Variants in CYFIP1 observed in about 807,000 individuals in gnomAD.
CYFIP1 encodes the protein cytoplasmic FMR1-interacting protein 1.
CYFIP1 carries 58 observed loss-of-function variants against 163.5 expected under a neutral mutation model. The observed-to-expected ratio is 0.35, with a 90% CI of 0.29 to 0.44. The LOEUF is 0.44. Ranked by LOEUF, CYFIP1 falls within the 20% of genes least tolerant of loss-of-function variation. The pLI is 1.00. For synonymous variants in CYFIP1, 663 were observed against 660.7 expected, an observed-to-expected ratio of 1.00 and a Z score of -0.05; for missense variants, 1,338 against 1,653.8, an observed-to-expected ratio of 0.81 and a Z score of 3.31.
intron 5 of CYFIP1, 142 bp from the exon 6 acceptor site, chr15:22,943,496 G>A: frequency 1.2e-6 from 1 of 865,940 alleles, no homozygotes; most frequent in Non-Finnish European, 1.7e-6. Context: ...TGTTTACAAT[G>A]TGGGCAACCA....
intron 9 of CYFIP1, among the ~76,000 whole-genome samples, chr15:22,934,285 C>T (rs1349027206): frequency 1.5e-5 from 2 of 135,088 alleles, no homozygotes; most frequent in African/African-American, 5.6e-5. Context: ...CTCCCAGGTT[C>T]ACATCATTCT....
At chr15:22,972,269 C>T (rs2063126929) in intron 1 of CYFIP1, among the ~76,000 whole-genome samples, 4 of 152,110 alleles carry the variant, frequency 2.6e-5, no homozygotes, top group Admixed American at 2.0e-4. Context: ...AACACCGTCT[C>T]TGCTAAAAAC....
At chr15:22,948,817 A>AAG (rs1255268752) in intron 1 of CYFIP1, among the ~76,000 whole-genome samples, 3 of 151,806 alleles carry the variant, frequency 2.0e-5, no homozygotes, top group African/African-American at 7.3e-5. Context: ...GTAAAAAAAA[A>AAG]AAAAAACCTC....
chr15:22,938,222 A>T (rs935757759), intron 8 of CYFIP1, among the ~76,000 whole-genome samples: 5 of 152,222 alleles, frequency 3.3e-5, no homozygotes, highest in African/African-American at 1.2e-4. Context: ...AATATGGTGA[A>T]CCAACAAAAG....
Position 22,916,581 on chromosome 15 carries a change from C to T in CYFIP1, c.1724G>A (p.Gly575Asp), listed in dbSNP as rs1484064870. The T allele has an allele frequency of 6.2e-7, 1 of 1,613,982 alleles. No homozygotes were observed. The highest frequency in any genetic ancestry group is 8.5e-7 in the Non-Finnish European group (1 of 1,180,030). The change falls in exon 16 of 31, where the codon GGT becomes GAT. Residue 575 changes from glycine (G) to aspartate (D), a missense_variant. This residue lies in a region of CYFIP1 where 824 missense variants were observed against 995.7 expected (regional missense o/e 0.83). Transcript: ENST00000617928. ...GCTACTTCTCAAGGTTTTCTTGGAA[C>T]CACTTTTGTCTGCAATGAGGGACTC... ...MLESLIADKS[G>D]SKKTLRSSLE...
chr15:22,962,389 C>A (rs1174846961), intron 1 of CYFIP1, among the ~76,000 whole-genome samples: 1 of 144,876 alleles, frequency 6.9e-6, no homozygotes, highest in East Asian at 2.0e-4. Context: ...CATCTATATT[C>A]TTCTTTTTTT....
intron 16 of CYFIP1, among the ~76,000 whole-genome samples, chr15:22,916,222 A>C (rs1327275332): frequency 6.6e-6 from 1 of 152,128 alleles, no homozygotes; most frequent in African/African-American, 2.4e-5. Context: ...CCAACCCCGC[A>C]TGGGTTGAAA....
chr15:22,978,352 C>CAAAAAAAAAAAAAAA (rs397976366), intron 1 of CYFIP1, among the ~76,000 whole-genome samples: 5 of 52,764 alleles, frequency 9.5e-5, no homozygotes, highest in African/African-American at 2.6e-4. Flanking sequence ...GACTCTGTCA[C>CAAAAAAAAAAAAAAA]AAAAAAAAAA....
At chr15:22,935,609 G>A (rs1180806662) in intron 9 of CYFIP1, among the ~76,000 whole-genome samples, 1 of 152,050 alleles carries the variant, frequency 6.6e-6, no homozygotes, top group African/African-American at 2.4e-5. Flanking sequence ...TCGAGAACGC[G>A]AAAAGGCTAC....
intron 29 of CYFIP1, 149 bp from the exon 30 acceptor site, chr15:22,873,121 G>C (rs1295243640): frequency 4.7e-6 from 4 of 849,086 alleles, no homozygotes; most frequent in Non-Finnish European, 3.3e-6. Flanking sequence ...GAGAATGCCG[G>C]GCAGCCAGGT....
intron 1 of CYFIP1, among the ~76,000 whole-genome samples, chr15:22,959,113 A>G (rs944722234): frequency 6.6e-6 from 1 of 152,138 alleles, no homozygotes; most frequent in African/African-American, 2.4e-5. Context: ...AGCTCGGGGA[A>G]GCTCCATCAG....
intron 23 of CYFIP1, among the ~76,000 whole-genome samples, chr15:22,887,070 A>G (rs2059944876): frequency 6.6e-6 from 1 of 152,126 alleles, no homozygotes; most frequent in Non-Finnish European, 1.5e-5. Flanking sequence ...ATTTTATCTT[A>G]TATTAATACA....
intron 1 of CYFIP1, among the ~76,000 whole-genome samples, chr15:22,978,582 G>A (rs977120863): frequency 1.2e-4 from 18 of 151,996 alleles, no homozygotes; most frequent in African/African-American, 3.9e-4. Context: ...ATACTACTTA[G>A]AAGTACCGAG....
At chr15:22,947,437 GGAGTT>G in intron 1 of CYFIP1, 146 bp from the exon 2 acceptor site, 3 of 1,146,144 alleles carry the variant, frequency 2.6e-6, no homozygotes, top group Non-Finnish European at 1.2e-6. Context: ...TCAGTCCTTG[GGAGTT>G]GCGTGTCTCT....
At chr15:22,874,501 G>A (rs534098809) in intron 28 of CYFIP1, 49 bp downstream of exon 28, 12 of 1,443,480 alleles carry the variant, frequency 8.3e-6, no homozygotes, top group South Asian at 1.3e-5. Flanking sequence ...ACCTGGCCTG[G>A]CATGGATGCC....
At chr15:22,939,059 A>G (rs150920626) in intron 8 of CYFIP1, 133 bp downstream of exon 8, 4 of 1,078,424 alleles carry the variant, frequency 3.7e-6, no homozygotes, top group African/African-American at 3.1e-5. Flanking sequence ...GTGCAAGGGC[A>G]GGACGCTGTT....
intron 18 of CYFIP1, among the ~76,000 whole-genome samples, chr15:22,911,069 T>G (rs1307266461): frequency 6.6e-6 from 1 of 151,932 alleles, no homozygotes; most frequent in Non-Finnish European, 1.5e-5. Context: ...TAGCCTGGTG[T>G]GGTGGCACGT....
chr15:22,894,862 T>A (rs978728767), intron 22 of CYFIP1, among the ~76,000 whole-genome samples: 6 of 113,630 alleles, frequency 5.3e-5, no homozygotes, highest in African/African-American at 1.8e-4. Flanking sequence ...TATTATATAT[T>A]TTATATATAT....
chr15:22,893,096 T>C (rs1210340052), intron 22 of CYFIP1, 119 bp from the exon 23 acceptor site: 6 of 695,310 alleles, frequency 8.6e-6, no homozygotes, highest in Non-Finnish European at 1.5e-5. Context: ...GATACAATCA[T>C]CAAATAGGAA....
Sources: allele counts gnomAD v4.1 joint callset (sites outside exome capture counted in the v4.1 genomes callset), GRCh38; gene constraint gnomAD v4.1.1; regional missense constraint gnomAD v4.1.1; transcripts MANE v1.5; gene names NCBI Gene and HGNC (gene_info 2026-07-23, HGNC 2026-07-21).